The following EHD3 variants were observed in gnomAD, a reference collection of about 807,000 sequenced individuals.
EHD3 encodes the protein EH domain containing 3, also known as EH domain-containing protein 3.
A neutral mutation model predicts 43.0 loss-of-function variants in EHD3; 17 were observed. The ratio of observed to expected loss-of-function variants is 0.40; its 90% CI spans 0.27 to 0.59. The LOEUF is 0.59. EHD3 is among the 20% of genes least tolerant of loss of function. The pLI is 0.49. For missense variants in EHD3, 594 were observed against 705.6 expected (o/e 0.84, Z 1.79); for synonymous variants, 313 against 289.5 (o/e 1.08, Z -0.82).
intron 2 of EHD3, among the ~76,000 whole-genome samples, chr2:31,246,490 C>T (rs1351494118): frequency 1.3e-5 from 2 of 151,998 alleles, no homozygotes; most frequent in Non-Finnish European, 2.9e-5. Flanking sequence ...AAACTGGGCT[C>T]ATCACAAGAG....
At chr2:31,264,128 A>C (rs1683900639) in intron 5 of EHD3, among the ~76,000 whole-genome samples, 1 of 152,202 alleles carries the variant, frequency 6.6e-6, no homozygotes, top group Non-Finnish European at 1.5e-5. Context: ...TAGAATGTAT[A>C]TACACAAACC....
At position 31,234,635 on chromosome 2, in the gene EHD3, T is replaced by G. The variant is rs752408538; in HGVS notation, c.14T>G (p.Leu5Arg). The G allele has an allele frequency of 4.3e-6, 7 of 1,613,716 alleles. No individual in the cohort carries two copies. The highest frequency in any genetic ancestry group is 2.7e-5 in the African/African-American group (2 of 74,928). Reference protein sequence around the residue: MFSWLGTDDRRRKDP... With the variant: MFSWRGTDDRRRKDP... ...GCGGCGGCCGCGATGTTCAGCTGGCTGGGTACGGACGACCGCCGGAGGAAG... is the reference window on the plus strand; with the variant it reads ...GCGGCGGCCGCGATGTTCAGCTGGCGGGGTACGGACGACCGCCGGAGGAAG... The change falls in exon 1 of 6, where the codon CTG becomes CGG. Residue 5 changes from leucine (L) to arginine (R), a missense_variant. By Grantham distance (102) the Leu-to-Arg change is moderately radical. Coordinates refer to ENST00000322054, the MANE Select transcript of EHD3 (RefSeq NM_014600.3).
At chr2:31,258,999 G>C (rs1402084018) in intron 3 of EHD3, among the ~76,000 whole-genome samples, 2 of 152,228 alleles carry the variant, frequency 1.3e-5, no homozygotes, top group Non-Finnish European at 2.9e-5. Flanking sequence ...GTTGCCTGAT[G>C]ATCTTGCCTG....
At chr2:31,258,657 T>C (rs1472318261) in intron 3 of EHD3, among the ~76,000 whole-genome samples, 4 of 152,208 alleles carry the variant, frequency 2.6e-5, no homozygotes, top group Non-Finnish European at 2.9e-5. Context: ...GGGGCTGATA[T>C]TAGTGTCTAA....
In EHD3 at chr2:31,266,327, G is replaced by A; in HGVS notation, c.1231G>A (p.Gly411Ser). ...ACAGCGGCCCATCCAGATGGTGAAG[G>A]GCGGAGCGTTCGAGGGCACCCTGCA... is the stretch of plus-strand genomic sequence containing the variant. ...ESQRPIQMVK[G>S]GAFEGTLHGP... Residue 411 changes from glycine to serine, a missense_variant, in exon 6 of 6, where the codon GGC becomes AGC. Around this residue, in one of 3 missense-constraint regions of EHD3, gnomAD observed 322 missense variants for 348.0 expected, o/e 0.93. Coordinates refer to ENST00000322054, the MANE Select transcript of EHD3 (RefSeq NM_014600.3). The surrounding 1 kb of genome is among the most constrained non-coding windows in gnomAD (Gnocchi z 5.1). 3.1e-6 allele frequency: 5 copies of A among 1,614,202 alleles called. No homozygotes were observed. The highest frequency in any genetic ancestry group is 4.2e-6 in the Non-Finnish European group (5 of 1,180,040).
At position 31,266,267 on chromosome 2, in the gene EHD3, G is replaced by A; in HGVS notation, c.1171G>A (p.Ala391Thr). 6.2e-7 allele frequency: 1 copy of A among 1,614,184 alleles called. No individual in the cohort carries two copies. The change falls in exon 6 of 6, where the codon GCC becomes ACC. Residue 391 changes from alanine (A) to threonine (T), a missense_variant. This residue lies in a region of EHD3 where 322 missense variants were observed against 348.0 expected (regional missense o/e 0.93). Coordinates refer to ENST00000322054, the MANE Select transcript of EHD3 (RefSeq NM_014600.3). The surrounding 1 kb of genome is among the most constrained non-coding windows in gnomAD (Gnocchi z 5.1). ...GGACGACATGCTGGCCCATGACATT[G>A]CCCAGCTCATGGTGCTAGTGCGCCA... ...VVDDMLAHDI[A>T]QLMVLVRQEE...
intron 1 of EHD3, among the ~76,000 whole-genome samples, chr2:31,238,474 C>A (rs750644790): frequency 1.3e-5 from 2 of 152,254 alleles, no homozygotes; most frequent in South Asian, 4.1e-4. Context: ...GTGCTGTGAT[C>A]TCTGCCTGAA....
intron 3 of EHD3, among the ~76,000 whole-genome samples, chr2:31,257,612 G>A (rs986870747): frequency 2.0e-5 from 3 of 152,204 alleles, no homozygotes; most frequent in Admixed American, 2.0e-4. Context: ...CTGCCTCAGA[G>A]CGTGTCGTGA....
chr2:31,245,541 ATATATATATATATTTTT>A (rs1433576876), intron 2 of EHD3, among the ~76,000 whole-genome samples: 7 of 51,796 alleles, frequency 1.4e-4, no homozygotes, highest in African/African-American at 6.8e-4. Flanking sequence ...ATATATATAT[ATATATATATATATTTTT>A]TTTTTTTTTT....
At chr2:31,261,482 C>A in intron 4 of EHD3, 67 bp from the exon 5 acceptor site, 1 of 1,560,544 alleles carries the variant, frequency 6.4e-7, no homozygotes, top group Non-Finnish European at 8.7e-7. Context: ...GATGCAAGAG[C>A]CATCCTAGAA....
intron 2 of EHD3, among the ~76,000 whole-genome samples, chr2:31,245,718 C>T (rs1161947697): frequency 9.6e-5 from 14 of 146,460 alleles, no homozygotes; most frequent in South Asian, 4.4e-4. Flanking sequence ...TGTGCCACCA[C>T]GCCCGACTAA....
In EHD3 at chr2:31,249,411, A is replaced by T. The variant is rs1020163421; in HGVS notation, c.445A>T (p.Ile149Phe). 23 of 1,614,056 alleles carry T rather than the reference A, an allele frequency of 1.4e-5. No homozygotes were observed. The African/African-American group carries it at 2.5e-4, about 18-fold the overall frequency. The change falls in exon 3 of 6, where the codon ATC becomes TTC. Residue 149 changes from isoleucine (I) to phenylalanine (F), a missense_variant. Ile to Phe is a conservative substitution (Grantham distance 21, BLOSUM62 0). Coordinates refer to ENST00000322054, the MANE Select transcript of EHD3 (RefSeq NM_014600.3). ...GCTACCTAACCCTGTGCTGGAGAGC[A>T]TCAGCGTCATCGACACACCAGGGAT... ...AQLPNPVLESISVIDTPGILS... is the reference protein window; with the variant it reads ...AQLPNPVLESFSVIDTPGILS...
intron 1 of EHD3, among the ~76,000 whole-genome samples, chr2:31,243,029 C>T (rs983417126): frequency 2.0e-5 from 3 of 152,162 alleles, no homozygotes; most frequent in Non-Finnish European, 2.9e-5. Context: ...GTAATCCCAG[C>T]ACTTTGAGAG....
At chr2:31,259,760 AT>A (rs750816022) in intron 3 of EHD3, among the ~76,000 whole-genome samples, 17 of 152,282 alleles carry the variant, frequency 1.1e-4, no homozygotes, top group Admixed American at 2.6e-4. Context: ...TTAGTGTTTC[AT>A]TGTTTTCAGA....
Position 31,260,412 on chromosome 2 carries a change from T to A in EHD3, c.503-98T>A. The A allele has an allele frequency of 1.6e-6, 2 of 1,257,500 alleles. No individual in the cohort carries two copies. Among genetic ancestry groups the A allele is most frequent in the South Asian group, 1.6e-5 (1 of 62,852 alleles). 77.9% of individuals were successfully genotyped at this position (1,257,500 alleles called of 1,614,324 possible). On this transcript the variant is annotated intron_variant, in intron 3 of 5. Coordinates refer to ENST00000322054, the MANE Select transcript of EHD3 (RefSeq NM_014600.3). The surrounding 1 kb of genome is among the most constrained non-coding windows in gnomAD (Gnocchi z 4.6). ...GCCAGGATTTAAACTTAGATCTGAC[T>A]CCCAAGACTGTGTTATTTCTACCAC...
chr2:31,258,676 C>T (rs766900869), intron 3 of EHD3, among the ~76,000 whole-genome samples: 1 of 152,234 alleles, frequency 6.6e-6, no homozygotes, highest in Non-Finnish European at 1.5e-5. Context: ...AATGACCCTA[C>T]ACAGAGTCAT....
intron 5 of EHD3, among the ~76,000 whole-genome samples, chr2:31,263,646 A>T: frequency 6.6e-6 from 1 of 152,282 alleles, no homozygotes; most frequent in East Asian, 1.9e-4. Context: ...GGAGTCCTTC[A>T]GCCCTAAGGC....
rs644926 is a variant in EHD3 at position 31,266,861 on chromosome 2, T to C, written c.*157T>C. 0.82 allele frequency: 780,871 copies of C among 953,836 alleles called. 321,511 individuals carry two copies. Among genetic ancestry groups the C allele is most frequent in the African/African-American group, 0.95 (57,797 of 60,582 alleles). 59.1% of individuals were successfully genotyped at this position (953,836 alleles called of 1,614,324 possible). A position where few individuals can be genotyped will look rare whatever the true frequency, so the allele number is the denominator to read the frequency against. ...AGGTGAGAGAGGACCATGACGCCCA[T>C]GTTTGCAGCTGATACTTGTTTGGGC... On this transcript the variant is annotated 3_prime_UTR_variant, in exon 6 of 6. Transcript: ENST00000322054. The surrounding 1 kb of genome is among the most constrained non-coding windows in gnomAD (Gnocchi z 5.1).
chr2:31,260,675 A>C lies in EHD3; in HGVS notation c.668A>C (p.Gln223Pro). 1 of 1,614,242 alleles carries C rather than the reference A, an allele frequency of 6.2e-7. No homozygotes were observed. The highest frequency in any genetic ancestry group is 8.5e-7 in the Non-Finnish European group (1 of 1,180,040). The stretch of plus-strand genomic sequence containing the variant: ...CGAGTGGTGCTGAACAAAGCTGACC[A>C]GATCGAGACGCAGCAGCTGATGCGG... ...KMRVVLNKAD[Q>P]IETQQLMRVY... is the part of the protein sequence containing the mutation. Residue 223 changes from glutamine (Q) to proline (P), a missense_variant, in exon 4 of 6, where the codon CAG becomes CCG. Physicochemically the swap from Gln to Pro is moderately conservative, Grantham distance 76 (BLOSUM62 -1). Transcript: ENST00000322054. The surrounding 1 kb of genome is among the most constrained non-coding windows in gnomAD (Gnocchi z 4.6).
Sources: gnomAD v4.1 joint callset for allele counts (sites outside exome capture counted in the v4.1 genomes callset) on GRCh38, gnomAD v4.1.1 for gene constraint, gnomAD v4.1.1 regional missense constraint, Gnocchi (gnomAD v3.1) non-coding constraint, MANE v1.5 for transcripts, NCBI Gene and HGNC (gene_info 2026-07-23, HGNC 2026-07-21) for gene names.